RSBN1: variants seen among roughly 807,000 people sequenced by gnomAD.
RSBN1 encodes lysine-specific demethylase 9.
In RSBN1, 23 loss-of-function variants were observed where a neutral mutation model predicts 74.8. The observed-to-expected ratio is 0.31, with a 90% CI of 0.22 to 0.44. The LOEUF (loss-of-function observed/expected upper bound fraction) is 0.44. Ranked by LOEUF, RSBN1 falls within the 20% of genes least tolerant of loss-of-function variation. The pLI is 1.00. For missense variants in RSBN1, 808 were observed against 1,020.9 expected, an observed-to-expected ratio of 0.79 and a Z score of 2.84; for synonymous variants, 407 against 379.6, an observed-to-expected ratio of 1.07 and a Z score of -0.84.
chr1:113,778,313 T>C (rs1660071394), intron 2 of RSBN1, among the ~76,000 whole-genome samples: 1 of 151,776 alleles, frequency 6.6e-6, no homozygotes, highest in African/African-American at 2.4e-5. Flanking sequence ...TTCCTTTTTT[T>C]TGAGATGGAG....
Position 113,764,423 on chromosome 1 carries a change from C to CTT in RSBN1, c.*1555_*1556dup. 6.5e-6 allele frequency: 1 copy of CTT among 152,758 alleles called. No homozygotes were observed. The highest frequency in any genetic ancestry group is 1.9e-4 in the East Asian group (1 of 5,306). The allele number at this position is 152,758 out of a possible 1,614,324, so 9.5% of individuals were successfully genotyped here. On this transcript the variant is annotated 3_prime_UTR_variant, in exon 7 of 7. Transcript: ENST00000261441. ...TCACTGCAGTATTTGCTGATGGTTACTTTTCTATCGGTTTACACAGTGACC... is the reference window on the plus strand; with the variant it reads ...TCACTGCAGTATTTGCTGATGGTTACTTTTTTCTATCGGTTTACACAGTGACC...
chr1:113,787,326 G>C (rs1411297918), intron 2 of RSBN1, among the ~76,000 whole-genome samples: 1 of 152,138 alleles, frequency 6.6e-6, no homozygotes, highest in Non-Finnish European at 1.5e-5. Flanking sequence ...ATCCCAGATA[G>C]TCAAAGAGAA....
chr1:113,781,725 C>T (rs530240289), intron 2 of RSBN1, among the ~76,000 whole-genome samples: 40 of 152,226 alleles, frequency 2.6e-4, no homozygotes, highest in African/African-American at 1.9e-4. Context: ...GTATGTACTT[C>T]GCCGGTTAAT....
chr1:113,811,357 AAGG>A (rs1389048495), intron 1 of RSBN1, among the ~76,000 whole-genome samples: 2 of 152,132 alleles, frequency 1.3e-5, no homozygotes, highest in Non-Finnish European at 2.9e-5. Context: ...CAAGCAAAAC[AAGG>A]AGAAGGGATT....
At chr1:113,793,140 T>A (rs1416520310) in intron 2 of RSBN1, among the ~76,000 whole-genome samples, 1 of 152,244 alleles carries the variant, frequency 6.6e-6, no homozygotes, top group Non-Finnish European at 1.5e-5. Flanking sequence ...CAAAGTTTAA[T>A]GTGCATATGA....
At chr1:113,805,880 A>C (rs1200236360) in intron 1 of RSBN1, among the ~76,000 whole-genome samples, 1 of 152,242 alleles carries the variant, frequency 6.6e-6, no homozygotes, top group African/African-American at 2.4e-5. Context: ...TGCAGGTCTT[A>C]TGGTCTCTGT....
In RSBN1 at chr1:113,805,042, T is replaced by G. The variant is rs551780708; in HGVS notation, c.703+6668A>C. Among the ~76,000 whole-genome samples, 17 of 152,230 alleles carry G rather than the reference T, an allele frequency of 1.1e-4. No homozygotes were observed. In the South Asian group the frequency reaches 3.5e-3, roughly 32 times the overall value. On this transcript the variant is annotated intron_variant, in intron 1 of 6. Coordinates refer to ENST00000261441, the MANE Select transcript of RSBN1 (RefSeq NM_018364.5). Reference sequence around the variant, plus strand: ...CTTTCTTTCCTTTTTAACAACATATTAAAATCATGAATTTACTAAGAATAA... The same window carrying G: ...CTTTCTTTCCTTTTTAACAACATATGAAAATCATGAATTTACTAAGAATAA...
chr1:113,785,752 A>G (rs1006735884), intron 2 of RSBN1, among the ~76,000 whole-genome samples: 1 of 152,226 alleles, frequency 6.6e-6, no homozygotes, highest in African/African-American at 2.4e-5. Context: ...AATCTGAAGA[A>G]CAAGTTCAGA....
intron 4 of RSBN1, among the ~76,000 whole-genome samples, chr1:113,774,949 C>T (rs1228134718): frequency 1.3e-5 from 2 of 151,662 alleles, no homozygotes; most frequent in African/African-American, 2.4e-5. Context: ...AAACATCACA[C>T]AAAGAATGGA....
chr1:113,805,173 G>A (rs1484061605), intron 1 of RSBN1, among the ~76,000 whole-genome samples: 1 of 151,736 alleles, frequency 6.6e-6, no homozygotes, highest in Non-Finnish European at 1.5e-5. Context: ...TGGAATGCAA[G>A]TGGCGCAATC....
chr1:113,796,997 C>T (rs570621743), intron 2 of RSBN1, among the ~76,000 whole-genome samples: 2 of 152,274 alleles, frequency 1.3e-5, no homozygotes, highest in African/African-American at 4.8e-5. Context: ...CATGCCCTCA[C>T]GTGTTTTATT....
chr1:113,781,529 TACC>T (rs1342131695), intron 2 of RSBN1, among the ~76,000 whole-genome samples: 5 of 152,240 alleles, frequency 3.3e-5, no homozygotes, highest in Non-Finnish European at 7.3e-5. Flanking sequence ...CAGATTTAAC[TACC>T]ACCTGTACCC....
In RSBN1 at chr1:113,771,341, TA is replaced by T. The variant is rs138896496; in HGVS notation, c.1659-2953del. Among the ~76,000 whole-genome samples the T allele has an allele frequency of 2.4e-3, 363 of 152,220 alleles. 4 individuals carry two copies. The highest frequency in any genetic ancestry group is 8.4e-3 in the African/African-American group (348 of 41,570). Reference sequence around the variant, plus strand: ...ATAACTCAGAATACCTCCTTTTTCTTAAGACTATTCCTTGAGAATGTGTTTA... The same window carrying T: ...ATAACTCAGAATACCTCCTTTTTCTTAGACTATTCCTTGAGAATGTGTTTA... On this transcript the variant is annotated intron_variant, in intron 4 of 6. Transcript: ENST00000261441.
At chr1:113,795,861 A>G (rs1431790234) in intron 2 of RSBN1, among the ~76,000 whole-genome samples, 2 of 152,206 alleles carry the variant, frequency 1.3e-5, no homozygotes, top group Non-Finnish European at 2.9e-5. Context: ...TGAATGTTAA[A>G]AAGACACCCT....
chr1:113,788,241 C>G (rs1340122841), intron 2 of RSBN1, among the ~76,000 whole-genome samples: 1 of 151,586 alleles, frequency 6.6e-6, no homozygotes, highest in East Asian at 1.9e-4. Flanking sequence ...AATCGGGAGG[C>G]CTAATATACA....
intron 5 of RSBN1, chr1:113,767,954 C>A: frequency 3.7e-6 from 1 of 273,690 alleles, no homozygotes; most frequent in Non-Finnish European, 6.9e-6. Flanking sequence ...ATGATGGTTA[C>A]CAGAGCCTGG....
At chr1:113,807,719 C>T (rs967107847) in intron 1 of RSBN1, among the ~76,000 whole-genome samples, 10 of 151,320 alleles carry the variant, frequency 6.6e-5, no homozygotes, top group African/African-American at 2.4e-4. Context: ...CGAGATTGCA[C>T]CATTGCTCTC....
chr1:113,795,923 G>C, intron 2 of RSBN1, among the ~76,000 whole-genome samples: 1 of 152,088 alleles, frequency 6.6e-6, no homozygotes, highest in Admixed American at 6.5e-5. Flanking sequence ...TCTCAGAAAT[G>C]CTTGTTGGTC....
intron 1 of RSBN1, among the ~76,000 whole-genome samples, chr1:113,805,139 G>A (rs934701643): frequency 6.7e-5 from 10 of 150,224 alleles, no homozygotes; most frequent in Admixed American, 2.0e-4. Flanking sequence ...TTTTTGAAAC[G>A]GAGTCTGACT....
Sources: allele counts gnomAD v4.1 joint callset (sites outside exome capture counted in the v4.1 genomes callset), GRCh38; gene constraint gnomAD v4.1.1; transcripts MANE v1.5; gene names NCBI Gene and HGNC (gene_info 2026-07-23, HGNC 2026-07-21).